Variants in TAOK1 observed in about 807,000 individuals in gnomAD.
TAOK1 encodes TAO kinase 1.
A neutral mutation model predicts 138.3 loss-of-function variants in TAOK1; 21 were observed. The ratio of observed to expected loss-of-function variants is 0.15; its 90% CI spans 0.11 to 0.22. The LOEUF (loss-of-function observed/expected upper bound fraction) is 0.22, where lower values mean the gene tolerates loss of function less well. TAOK1 is among the 10% of genes least tolerant of loss of function. TAOK1 has a pLI of 1.00. For missense variants in TAOK1, 651 were observed against 1,227.7 expected, an observed-to-expected ratio of 0.53 and a Z score of 7.02; for synonymous variants, 361 against 398.4, an observed-to-expected ratio of 0.91 and a Z score of 1.12.
At chr17:29,532,977 G>A (rs1326599410) in intron 18 of TAOK1, among the ~76,000 whole-genome samples, 3 of 58,266 alleles carry the variant, frequency 5.1e-5, no homozygotes, top group African/African-American at 7.3e-5. Context: ...GCGGGTGGCC[G>A]GGCAGGGGGC....
At chr17:29,450,474 A>C (rs2030202980) in intron 1 of TAOK1, among the ~76,000 whole-genome samples, 1 of 151,932 alleles carries the variant, frequency 6.6e-6, no homozygotes, top group East Asian at 1.9e-4. Context: ...GTCATTCCAG[A>C]GTCCAGGTTC....
At chr17:29,530,642 A>G (rs1567746254) in intron 18 of TAOK1, 23 bp downstream of exon 18, 1 of 1,605,104 alleles carries the variant, frequency 6.2e-7, no homozygotes, top group Non-Finnish European at 8.5e-7. Flanking sequence ...TTTTTGGGGC[A>G]AAACAAATTT....
chr17:29,461,395 AAAT>A (rs1364195294), intron 2 of TAOK1, among the ~76,000 whole-genome samples: 1 of 152,164 alleles, frequency 6.6e-6, no homozygotes, highest in African/African-American at 2.4e-5. Context: ...TTTAATTATA[AAAT>A]AATGATAACA....
At chr17:29,451,411 G>A in intron 1 of TAOK1, 44 bp from the exon 2 acceptor site, 2 of 925,374 alleles carry the variant, frequency 2.2e-6, no homozygotes, top group Non-Finnish European at 3.1e-6. Flanking sequence ...ATTATTCTTA[G>A]CAGTTTTTGC....
chr17:29,490,974 C>T (rs1448008724), intron 9 of TAOK1, among the ~76,000 whole-genome samples: 1 of 152,286 alleles, frequency 6.6e-6, no homozygotes, highest in East Asian at 1.9e-4. Context: ...TTAGGCCCCA[C>T]CTCCCAACAC....
chr17:29,420,727 AG>A (rs1905411913), intron 1 of TAOK1, among the ~76,000 whole-genome samples: 1 of 151,688 alleles, frequency 6.6e-6, no homozygotes, highest in Non-Finnish European at 1.5e-5. Context: ...CTGGGATTAC[AG>A]GCATGCGCCA....
At chr17:29,530,962 A>ATTTTATTTTTTTT (rs574639921) in intron 18 of TAOK1, among the ~76,000 whole-genome samples, 1 of 96,192 alleles carries the variant, frequency 1.0e-5, no homozygotes, top group African/African-American at 4.4e-5. Context: ...ACAAGTACAA[A>ATTTTATTTTTTTT]TTTTTTTTTT....
At chr17:29,465,495 AG>A (rs2153025490) in intron 2 of TAOK1, among the ~76,000 whole-genome samples, 1 of 151,972 alleles carries the variant, frequency 6.6e-6, no homozygotes, top group African/African-American at 2.4e-5. Context: ...ATAATTTTAC[AG>A]GTGCTGTCCT....
chr17:29,533,006 C>CGGGG lies in TAOK1; in HGVS notation c.2362-1112_2362-1111insGGGG, dbSNP rs1362151575. Among the ~76,000 whole-genome samples, 7 of 92,882 alleles carry CGGGG rather than the reference C, an allele frequency of 7.5e-5. 1 individual carries two copies. The highest frequency in any genetic ancestry group is 5.0e-4 in the South Asian group (1 of 2,016). 60.9% of individuals were successfully genotyped at this position (92,882 alleles called of 152,430 possible). A position where few individuals can be genotyped will look rare whatever the true frequency, so the allele number is the denominator to read the frequency against. On this transcript the variant is annotated intron_variant, in intron 18 of 19. Coordinates refer to ENST00000261716, the MANE Select transcript of TAOK1 (RefSeq NM_020791.4). ...AGGGGGCTGACCCCCCCACCTCCAA[C>CGGGG]CGGGCGGGGGGCTGACCCCCACCTC...
At chr17:29,534,374 A>G in intron 19 of TAOK1, 74 bp downstream of exon 19, 2 of 1,321,900 alleles carry the variant, frequency 1.5e-6, no homozygotes, top group Non-Finnish European at 2.0e-6. Flanking sequence ...ATATATTTTC[A>G]TGTTGGCAGA....
chr17:29,531,312 CCT>C (rs1160947692), intron 18 of TAOK1, among the ~76,000 whole-genome samples: 9 of 150,558 alleles, frequency 6.0e-5, no homozygotes, highest in Admixed American at 3.3e-4. Flanking sequence ...GGAATTTTGC[CCT>C]GTCGCCCAGG....
chr17:29,526,538 C>T (rs1483208310), intron 17 of TAOK1, among the ~76,000 whole-genome samples: 1 of 151,994 alleles, frequency 6.6e-6, no homozygotes, highest in Non-Finnish European at 1.5e-5. Context: ...GCCTCAGCCT[C>T]CTGAGTAGCT....
intron 18 of TAOK1, among the ~76,000 whole-genome samples, chr17:29,532,232 C>T (rs1290047892): frequency 2.6e-5 from 4 of 152,118 alleles, no homozygotes; most frequent in African/African-American, 9.7e-5. Flanking sequence ...AAAACAGGCG[C>T]CTGCTCATAC....
intron 12 of TAOK1, among the ~76,000 whole-genome samples, chr17:29,501,321 C>A (rs949368744): frequency 6.6e-6 from 1 of 150,732 alleles, no homozygotes; most frequent in African/African-American, 2.4e-5. Context: ...TGGAGGCACA[C>A]TGAGTAGTGG....
chr17:29,450,032 C>G (rs1187858762), intron 1 of TAOK1, among the ~76,000 whole-genome samples: 1 of 151,812 alleles, frequency 6.6e-6, no homozygotes, highest in Non-Finnish European at 1.5e-5. Flanking sequence ...TTCCTCCTTC[C>G]TTCCTTTCCC....
intron 8 of TAOK1, among the ~76,000 whole-genome samples, chr17:29,486,332 G>A (rs2031172881): frequency 6.6e-6 from 1 of 151,968 alleles, no homozygotes; most frequent in South Asian, 2.1e-4. Context: ...AAAAATTTGA[G>A]ATAAAAAATA....
intron 13 of TAOK1, among the ~76,000 whole-genome samples, chr17:29,505,559 G>A (rs977515506): frequency 6.6e-5 from 10 of 150,852 alleles, no homozygotes; most frequent in South Asian, 2.1e-4. Context: ...AAAATTAGCC[G>A]GGCATGATGG....
chr17:29,395,544 A>G (rs1050279762), intron 1 of TAOK1, among the ~76,000 whole-genome samples: 15 of 152,160 alleles, frequency 9.9e-5, no homozygotes, highest in African/African-American at 3.6e-4. Context: ...ACAAAACGAA[A>G]CAAATAAAAA....
intron 16 of TAOK1, among the ~76,000 whole-genome samples, chr17:29,520,504 C>G (rs1277292351): frequency 2.7e-5 from 4 of 149,856 alleles, no homozygotes; most frequent in African/African-American, 9.8e-5. Context: ...ACCTTTGCCT[C>G]CTGGGTTCAA....
Sources: allele counts gnomAD v4.1 joint callset (sites outside exome capture counted in the v4.1 genomes callset), GRCh38; gene constraint gnomAD v4.1.1; transcripts MANE v1.5; gene names NCBI Gene and HGNC (gene_info 2026-07-23, HGNC 2026-07-21).